Variants in RORA observed in about 807,000 individuals in gnomAD.
RORA encodes the protein nuclear receptor ROR-alpha.
Under a neutral mutation model 69.5 loss-of-function variants are expected in RORA, and 7 were observed. The ratio of observed to expected loss-of-function variants is 0.10; its 90% CI spans 0.06 to 0.19. The LOEUF (loss-of-function observed/expected upper bound fraction) is 0.19, where lower values mean the gene tolerates loss of function less well. Ranked by LOEUF, RORA falls within the 10% of genes least tolerant of loss-of-function variation. The pLI, the probability that RORA is intolerant of heterozygous loss-of-function variation, is 1.00. For synonymous variants in RORA, 261 were observed against 240.8 expected (o/e 1.08, Z -0.78); for missense variants, 457 against 663.0 (o/e 0.69, Z 3.41).
chr15:61,071,622 AGGAGGGGAGAGG>A (rs1252539259), intron 1 of RORA, among the ~76,000 whole-genome samples: 5 of 18,812 alleles, frequency 2.7e-4, no homozygotes, highest in Non-Finnish European at 4.6e-4. Context: ...GGGAGGGGAG[AGGAGGGGAGAGG>A]GGAGGGGAGA....
At chr15:60,947,539 G>A (rs2140330321) in intron 1 of RORA, among the ~76,000 whole-genome samples, 1 of 152,032 alleles carries the variant, frequency 6.6e-6, no homozygotes, top group South Asian at 2.1e-4. Context: ...CAAGTACCCA[G>A]GGACACAAAC....
intron 1 of RORA, among the ~76,000 whole-genome samples, chr15:60,861,756 T>C (rs1595773597): frequency 1.3e-5 from 2 of 152,360 alleles, no homozygotes; most frequent in Admixed American, 1.3e-4. Context: ...TGACATTAAG[T>C]GTCCTGGTGT....
chr15:60,625,598 A>C (rs1247551563), intron 2 of RORA, among the ~76,000 whole-genome samples: 1 of 152,270 alleles, frequency 6.6e-6, no homozygotes, highest in Non-Finnish European at 1.5e-5. Context: ...TGTATCATTA[A>C]AATGGAATAT....
chr15:61,160,720 A>G (rs1567017172), intron 1 of RORA, among the ~76,000 whole-genome samples: 1 of 152,216 alleles, frequency 6.6e-6, no homozygotes, highest in African/African-American at 2.4e-5. Flanking sequence ...TAGAGCTATC[A>G]TAATTGATCA....
chr15:61,040,076 C>T (rs1324052211), intron 1 of RORA, among the ~76,000 whole-genome samples: 1 of 121,766 alleles, frequency 8.2e-6, no homozygotes, highest in Non-Finnish European at 1.6e-5. Context: ...ACCCATATTA[C>T]AAGAACATAA....
intron 3 of RORA, among the ~76,000 whole-genome samples, chr15:60,517,865 C>A (rs1272009816): frequency 6.6e-6 from 1 of 152,134 alleles, no homozygotes; most frequent in African/African-American, 2.4e-5. Flanking sequence ...TGAATGATCT[C>A]TTCTTTTTTT....
intron 1 of RORA, among the ~76,000 whole-genome samples, chr15:61,146,298 G>A (rs140697399): frequency 1.3e-5 from 2 of 149,880 alleles, no homozygotes; most frequent in African/African-American, 4.9e-5. Flanking sequence ...CCGACCATCT[G>A]TTGTCATCTA....
intron 1 of RORA, among the ~76,000 whole-genome samples, chr15:61,154,531 C>G (rs1259995394): frequency 1.3e-5 from 2 of 152,276 alleles, no homozygotes; most frequent in Admixed American, 6.5e-5. Flanking sequence ...CAGTCACAGA[C>G]AGGTCACAGA....
At chr15:60,723,202 C>A (rs1270965182) in intron 1 of RORA, among the ~76,000 whole-genome samples, 2 of 152,106 alleles carry the variant, frequency 1.3e-5, no homozygotes, top group Non-Finnish European at 2.9e-5. Flanking sequence ...TATAAAAAGG[C>A]TAACCATTAT....
At chr15:60,727,395 A>G (rs1240827658) in intron 1 of RORA, among the ~76,000 whole-genome samples, 1 of 152,192 alleles carries the variant, frequency 6.6e-6, no homozygotes, top group Non-Finnish European at 1.5e-5. Flanking sequence ...CCTAGGGCAC[A>G]CATTGCTGTA....
intron 1 of RORA, among the ~76,000 whole-genome samples, chr15:60,726,000 C>G (rs1309755382): frequency 6.6e-6 from 1 of 152,096 alleles, no homozygotes; most frequent in Admixed American, 6.5e-5. Flanking sequence ...TTTTTTGAAT[C>G]ACCACATCAA....
chr15:60,727,506 C>T (rs2071375734), intron 1 of RORA, among the ~76,000 whole-genome samples: 1 of 152,104 alleles, frequency 6.6e-6, no homozygotes, highest in South Asian at 2.1e-4. Flanking sequence ...GACAGCTGAT[C>T]CCTTATGAAC....
At chr15:60,856,515 AAG>A in intron 1 of RORA, among the ~76,000 whole-genome samples, 1 of 151,502 alleles carries the variant, frequency 6.6e-6, no homozygotes, top group East Asian at 1.9e-4. Flanking sequence ...TTAGAACTAG[AAG>A]AGTCCTTAGA....
chr15:60,694,076 T>C lies in RORA; in HGVS notation c.167-15390A>G, dbSNP rs187489008. ...ACAAGGCTACAGTAACCAAAACAGT[T>C]GGCAGCATGTTTTCAATCTACTTTC... is the stretch of plus-strand genomic sequence containing the variant. On this transcript the variant is annotated intron_variant, in intron 1 of 10. Transcript: ENST00000335670. Among the ~76,000 whole-genome samples the C allele has an allele frequency of 4.9e-4, 75 of 152,186 alleles. 1 individual carries two copies. The highest frequency in any genetic ancestry group is 2.9e-3 in the Admixed American group (45 of 15,270).
At chr15:61,116,504 G>A (rs782931) in intron 1 of RORA, among the ~76,000 whole-genome samples, 69,544 of 151,946 alleles carry the variant, frequency 0.46, 17,032 homozygotes, top group East Asian at 0.64. Context: ...TGGACCAAGC[G>A]GCCATTCCTT....
At chr15:60,984,691 T>C (rs1019379209) in intron 1 of RORA, among the ~76,000 whole-genome samples, 11 of 151,880 alleles carry the variant, frequency 7.2e-5, no homozygotes, top group African/African-American at 2.7e-4. Context: ...AAATTGAGAG[T>C]AGTGTTTAGA....
In RORA at chr15:60,882,170, C is replaced by T. The variant is rs763574228; in HGVS notation, c.167-203484G>A. Reference sequence around the variant, plus strand: ...CTGGCGAACACCCAAAGTTTTGTTTCGTTGCAACCACTAAAATTCACTAGA... The same window carrying T: ...CTGGCGAACACCCAAAGTTTTGTTTTGTTGCAACCACTAAAATTCACTAGA... On this transcript the variant is annotated intron_variant, in intron 1 of 10. Transcript: ENST00000335670. Among the ~76,000 whole-genome samples the T allele has an allele frequency of 3.9e-4, 60 of 152,226 alleles. 1 individual carries two copies. The Middle Eastern group carries it at 0.01, about 26-fold the overall frequency.
At chr15:60,619,203 C>T (rs760005076) in intron 2 of RORA, among the ~76,000 whole-genome samples, 1 of 152,186 alleles carries the variant, frequency 6.6e-6, no homozygotes, top group Admixed American at 6.5e-5. Context: ...GTGCTTTCTT[C>T]GAGTTAAAGC....
At chr15:61,222,863 T>C (rs2080110982) in intron 1 of RORA, among the ~76,000 whole-genome samples, 2 of 152,204 alleles carry the variant, frequency 1.3e-5, no homozygotes, top group Non-Finnish European at 2.9e-5. Flanking sequence ...ACTTTCAGGA[T>C]TTAAGAGCCT....
Sources: allele counts gnomAD v4.1 joint callset (sites outside exome capture counted in the v4.1 genomes callset), GRCh38; gene constraint gnomAD v4.1.1; transcripts MANE v1.5; gene names NCBI Gene and HGNC (gene_info 2026-07-23, HGNC 2026-07-21).